The following ADAMTS18 variants were observed in gnomAD, a reference collection of about 807,000 sequenced individuals.
The protein encoded by ADAMTS18 is ADAM metallopeptidase with thrombospondin type 1 motif 18, also known as A disintegrin and metalloproteinase with thrombospondin motifs 18.
ADAMTS18 carries 157 observed loss-of-function variants against 165.9 expected under a neutral mutation model. The observed-to-expected ratio is 0.95, with a 90% CI of 0.83 to 1.08. The LOEUF is 1.08. ADAMTS18 is among the 50% of genes least tolerant of loss of function. The pLI, the probability that ADAMTS18 is intolerant of heterozygous loss-of-function variation, is 0.00. For synonymous variants in ADAMTS18, 782 were observed against 578.2 expected (o/e 1.35, Z -5.06); for missense variants, 2,040 against 1,534.0 (o/e 1.33, Z -5.51).
chr16:77,412,659 G>A (rs749030251), intron 3 of ADAMTS18, among the ~76,000 whole-genome samples: 10 of 152,256 alleles, frequency 6.6e-5, no homozygotes, highest in East Asian at 1.9e-4. Flanking sequence ...TGAAACGCAC[G>A]TCTTACATGG....
At chr16:77,391,476 C>T (rs1382327455) in intron 3 of ADAMTS18, among the ~76,000 whole-genome samples, 4 of 147,646 alleles carry the variant, frequency 2.7e-5, no homozygotes, top group African/African-American at 1.0e-4. Context: ...TGGGCAACAG[C>T]GCAAGACTCA....
intron 3 of ADAMTS18, among the ~76,000 whole-genome samples, chr16:77,401,432 T>C (rs1050227055): frequency 6.6e-6 from 1 of 152,240 alleles, no homozygotes; most frequent in Non-Finnish European, 1.5e-5. Context: ...ACTGATTCCA[T>C]TTCAGAGATA....
rs192310865 is a variant in ADAMTS18 at position 77,332,534 on chromosome 16, C to G, written c.1859+3222G>C. ...TTCTACATTTTTTTATACATAAACCCAAGTCAAATGACTTTTACAAAGCCA... is the reference window on the plus strand; with the variant it reads ...TTCTACATTTTTTTATACATAAACCGAAGTCAAATGACTTTTACAAAGCCA... On this transcript the variant is annotated intron_variant, in intron 12 of 22. Coordinates refer to ENST00000282849, the MANE Select transcript of ADAMTS18 (RefSeq NM_199355.4). Among the ~76,000 whole-genome samples the G allele has an allele frequency of 3.2e-3, 491 of 152,238 alleles. 12 individuals carry two copies. Among genetic ancestry groups the G allele is most frequent in the Non-Finnish European group, 3.5e-4 (24 of 68,022 alleles).
chr16:77,339,771 G>GAATC (rs760392748), intron 11 of ADAMTS18, among the ~76,000 whole-genome samples: 4 of 152,128 alleles, frequency 2.6e-5, no homozygotes, highest in East Asian at 3.9e-4. Context: ...TCCTCATTGG[G>GAATC]AATCCCTAAG....
intron 3 of ADAMTS18, among the ~76,000 whole-genome samples, chr16:77,415,335 A>G (rs1208739869): frequency 6.6e-6 from 1 of 152,212 alleles, no homozygotes; most frequent in Non-Finnish European, 1.5e-5. Context: ...GTCAGAAATG[A>G]AAGTTAAACT....
intron 22 of ADAMTS18, among the ~76,000 whole-genome samples, chr16:77,284,727 G>C (rs2055215329): frequency 6.6e-6 from 1 of 152,116 alleles, no homozygotes. Flanking sequence ...AGTGTCCAGG[G>C]AAATACCCTA....
chr16:77,314,503 T>C (rs974182716), intron 16 of ADAMTS18, among the ~76,000 whole-genome samples: 5 of 150,646 alleles, frequency 3.3e-5, no homozygotes, highest in African/African-American at 1.2e-4. Context: ...TCCCAGCTAC[T>C]TGGGAGGCTG....
At chr16:77,370,844 G>A (rs946829625) in intron 3 of ADAMTS18, among the ~76,000 whole-genome samples, 1 of 151,552 alleles carries the variant, frequency 6.6e-6, no homozygotes, top group African/African-American at 2.4e-5. Flanking sequence ...TAACCAAGGA[G>A]GTGAAGATCT....
intron 21 of ADAMTS18, among the ~76,000 whole-genome samples, chr16:77,289,791 G>A (rs2055327725): frequency 6.6e-6 from 1 of 152,208 alleles, no homozygotes; most frequent in Non-Finnish European, 1.5e-5. Context: ...AGCTGCAGTA[G>A]TGGAGGACAT....
At chr16:77,284,187 G>A (rs1322707658) in intron 22 of ADAMTS18, 116 bp from the exon 23 acceptor site, 1 of 675,486 alleles carries the variant, frequency 1.5e-6, no homozygotes, top group East Asian at 3.0e-5. Context: ...GTGGTGTGGT[G>A]TGATCTCCGC....
Position 77,392,895 on chromosome 16 carries a change from C to T in ADAMTS18, c.496-25172G>A, listed in dbSNP as rs547807255. On this transcript the variant is annotated intron_variant, in intron 3 of 22. Transcript: ENST00000282849. ...TAAATGGCATCTATTAAATCCTTTT[C>T]TATGCTGACTTGATGAGTGGGCTGG... Among the ~76,000 whole-genome samples the T allele has an allele frequency of 1.8e-3, 279 of 152,232 alleles. 1 individual carries two copies. The highest frequency in any genetic ancestry group is 6.3e-3 in the African/African-American group (261 of 41,544).
intron 3 of ADAMTS18, among the ~76,000 whole-genome samples, chr16:77,393,622 G>C (rs1267044967): frequency 6.6e-6 from 1 of 152,154 alleles, no homozygotes; most frequent in Non-Finnish European, 1.5e-5. Context: ...TGAAGACACA[G>C]CAAGAAGGTG....
chr16:77,285,787 A>G (rs2055238949), intron 22 of ADAMTS18, among the ~76,000 whole-genome samples: 1 of 152,148 alleles, frequency 6.6e-6, no homozygotes, highest in South Asian at 2.1e-4. Context: ...TCTCCATGCA[A>G]TCAGCAGATA....
intron 11 of ADAMTS18, among the ~76,000 whole-genome samples, chr16:77,340,393 T>C (rs1034389779): frequency 3.3e-5 from 5 of 152,112 alleles, no homozygotes; most frequent in Admixed American, 1.3e-4. Flanking sequence ...CAGGCTAGTC[T>C]TGAACTTCTG....
chr16:77,313,576 C>T (rs937832991), intron 16 of ADAMTS18, among the ~76,000 whole-genome samples: 2 of 151,406 alleles, frequency 1.3e-5, no homozygotes, highest in African/African-American at 4.8e-5. Context: ...AGACGAACAA[C>T]AGAAAAAATG....
intron 17 of ADAMTS18, 50 bp downstream of exon 17, chr16:77,300,213 C>T (rs200779783): frequency 2.1e-5 from 34 of 1,609,908 alleles, no homozygotes; most frequent in Middle Eastern, 1.7e-4. Context: ...AGTGAAAGAA[C>T]CTGTTTTAAG....
intron 4 of ADAMTS18, among the ~76,000 whole-genome samples, chr16:77,364,797 G>C (rs56272645): frequency 3.4e-5 from 5 of 148,590 alleles, no homozygotes; most frequent in African/African-American, 1.0e-4. Flanking sequence ...CAAAGCAAAG[G>C]AAAGAAAAGA....
rs942668778 is a variant in ADAMTS18, at chr16:77,431,444, C to T, written c.346G>A (p.Ala116Thr). 7 of 1,614,072 alleles carry T rather than the reference C, an allele frequency of 4.3e-6. No homozygotes were observed. The highest frequency in any genetic ancestry group is 5.1e-6 in the Non-Finnish European group (6 of 1,180,046). The change falls in exon 3 of 23, where the codon GCG becomes ACG. Residue 116 changes from alanine to threonine, a missense_variant. By Grantham distance (58) the Ala-to-Thr change is moderately conservative (BLOSUM62 0). Transcript: ENST00000282849. ...ACAATAAAGTGACTGCTCAAAATCG[C>T]CGAGGGCTTAAGTTCTAAGTGCAGT... is the stretch of plus-strand genomic sequence containing the variant. Reference protein sequence around the residue: ...QELHLELKPSAILSSHFIVQV... With the variant: ...QELHLELKPSTILSSHFIVQV...
intron 16 of ADAMTS18, among the ~76,000 whole-genome samples, chr16:77,314,617 A>C: frequency 1.3e-5 from 1 of 79,206 alleles, no homozygotes; most frequent in Non-Finnish European, 3.1e-5. Flanking sequence ...TGTCTCAAAA[A>C]AAAAAAAATG....
Sources: gnomAD v4.1 joint callset for allele counts (sites outside exome capture counted in the v4.1 genomes callset) on GRCh38, gnomAD v4.1.1 for gene constraint, MANE v1.5 for transcripts, NCBI Gene and HGNC (gene_info 2026-07-23, HGNC 2026-07-21) for gene names.